NRXN3: variants seen among roughly 807,000 people sequenced by gnomAD.
The protein encoded by NRXN3 is neurexin 3.
In NRXN3, 32 loss-of-function variants were observed where a neutral mutation model predicts 137.6. That is an observed-to-expected ratio of 0.23 (90% CI 0.18 to 0.31). NRXN3 has a LOEUF of 0.31. Among genes scored for constraint, NRXN3 ranks in the 10% least tolerant of loss-of-function variants. The probability of loss-of-function intolerance (pLI) is 1.00; values close to 1 mark genes in which losing one functional copy is unlikely to be tolerated. For synonymous variants in NRXN3, 798 were observed against 784.5 expected (o/e 1.02, Z -0.29); for missense variants, 1,574 against 2,062.5 (o/e 0.76, Z 4.59).
chr14:78,624,646 C>G (rs1368094651), intron 4 of NRXN3, among the ~76,000 whole-genome samples: 2 of 152,148 alleles, frequency 1.3e-5, no homozygotes, highest in African/African-American at 4.8e-5. Flanking sequence ...AGAGAAGGAT[C>G]TGGAAGTCTA....
At chr14:79,024,085 T>A (rs2099594256) in intron 15 of NRXN3, among the ~76,000 whole-genome samples, 1 of 152,068 alleles carries the variant, frequency 6.6e-6, no homozygotes, top group Non-Finnish European at 1.5e-5. Context: ...AGTAGGTGAA[T>A]CACTAGAACG....
At chr14:79,649,290 T>C (rs1313790807) in intron 16 of NRXN3, among the ~76,000 whole-genome samples, 2 of 152,134 alleles carry the variant, frequency 1.3e-5, no homozygotes, top group Non-Finnish European at 2.9e-5. Context: ...CTGGCCAGGA[T>C]CCGGGGTAAG....
chr14:79,622,779 G>A (rs1021975265), intron 16 of NRXN3, among the ~76,000 whole-genome samples: 12 of 151,990 alleles, frequency 7.9e-5, no homozygotes, highest in African/African-American at 2.9e-4. Context: ...TGTATTTTTA[G>A]TAGAGATGGG....
intron 4 of NRXN3, among the ~76,000 whole-genome samples, chr14:78,432,090 G>A (rs1451932209): frequency 6.6e-6 from 1 of 152,182 alleles, no homozygotes; most frequent in African/African-American, 2.4e-5. Flanking sequence ...TCCAGGAGAA[G>A]AGGTGAGTCT....
rs1380791397 is a variant in NRXN3 at position 79,604,236 on chromosome 14, T to C, written c.3445-59542T>C. On this transcript the variant is annotated intron_variant, in intron 16 of 20. Coordinates refer to ENST00000335750, the MANE Select transcript of NRXN3 (RefSeq NM_001330195.2). The stretch of plus-strand genomic sequence containing the variant: ...TTGGGGTTTTTCTTTGTTTTTTGTT[T>C]CTTTGTTTGTTTGTTTGAGATGGAG... 1.3e-5 allele frequency among the ~76,000 whole-genome samples: 2 copies of C among 151,880 alleles called. 1 individual carries two copies. The highest frequency in any genetic ancestry group is 4.8e-5 in the African/African-American group (2 of 41,346).
chr14:79,826,649 T>G (rs534987854), intron 20 of NRXN3, among the ~76,000 whole-genome samples: 1 of 152,278 alleles, frequency 6.6e-6, no homozygotes, highest in African/African-American at 2.4e-5. Context: ...ACACAAAATC[T>G]CACCTAGAGT....
chr14:79,404,623 A>C (rs1158281677), intron 15 of NRXN3, among the ~76,000 whole-genome samples: 2 of 152,198 alleles, frequency 1.3e-5, no homozygotes, highest in Non-Finnish European at 2.9e-5. Flanking sequence ...ACTGCGATTA[A>C]ATATCGAAAG....
At chr14:78,452,475 G>C (rs2094574065) in intron 4 of NRXN3, among the ~76,000 whole-genome samples, 1 of 152,134 alleles carries the variant, frequency 6.6e-6, no homozygotes, top group Non-Finnish European at 1.5e-5. Context: ...GACAGATCCA[G>C]GTCAAGATTT....
chr14:78,227,084 A>T (rs2064772542), intron 1 of NRXN3, among the ~76,000 whole-genome samples: 1 of 152,240 alleles, frequency 6.6e-6, no homozygotes, highest in South Asian at 2.1e-4. Context: ...TCTGGGCTCA[A>T]CATTATGGTA....
At chr14:79,466,176 A>G (rs2096419432) in intron 15 of NRXN3, among the ~76,000 whole-genome samples, 1 of 152,160 alleles carries the variant, frequency 6.6e-6, no homozygotes, top group Non-Finnish European at 1.5e-5. Flanking sequence ...TTATCCTGTG[A>G]TGTTTTTTCT....
At chr14:78,922,074 A>G (rs1246852193) in intron 10 of NRXN3, among the ~76,000 whole-genome samples, 1 of 152,188 alleles carries the variant, frequency 6.6e-6, no homozygotes, top group Non-Finnish European at 1.5e-5. Context: ...TGATTTCGCT[A>G]TCAACTTACA....
At chr14:78,453,395 G>A (rs889367968) in intron 4 of NRXN3, among the ~76,000 whole-genome samples, 1 of 152,186 alleles carries the variant, frequency 6.6e-6, no homozygotes, top group African/African-American at 2.4e-5. Flanking sequence ...GATATATGCC[G>A]ATTGACCATT....
chr14:79,813,103 C>G (rs2099240303), intron 20 of NRXN3, among the ~76,000 whole-genome samples: 1 of 152,092 alleles, frequency 6.6e-6, no homozygotes, highest in African/African-American at 2.4e-5. Flanking sequence ...CAGAGATTAA[C>G]AGCCCCTACC....
chr14:78,440,681 G>A (rs147398783), intron 4 of NRXN3, among the ~76,000 whole-genome samples: 1 of 152,050 alleles, frequency 6.6e-6, no homozygotes, highest in Non-Finnish European at 1.5e-5. Flanking sequence ...TGGGGCCGAG[G>A]CTGCTTTTAT....
intron 4 of NRXN3, among the ~76,000 whole-genome samples, chr14:78,604,682 G>A (rs981673515): frequency 6.6e-6 from 1 of 152,116 alleles, no homozygotes; most frequent in Non-Finnish European, 1.5e-5. Flanking sequence ...TTTGAGTCTG[G>A]AGGAGTTAAG....
intron 4 of NRXN3, 127 bp downstream of exon 4, chr14:78,297,987 C>T: frequency 8.8e-7 from 1 of 1,137,764 alleles, no homozygotes; most frequent in Admixed American, 2.2e-5. Flanking sequence ...CTGGGCCAGG[C>T]TGGCTGCAGG....
At chr14:79,348,378 C>CTCTCTTTT (rs535595782) in intron 15 of NRXN3, among the ~76,000 whole-genome samples, 1 of 135,974 alleles carries the variant, frequency 7.4e-6, no homozygotes, top group African/African-American at 2.9e-5. Flanking sequence ...AATCTTCTCT[C>CTCTCTTTT]TTTTTTTTTT....
chr14:78,350,123 A>G lies in NRXN3; in HGVS notation c.757+52263A>G, dbSNP rs541532956. 1.2e-4 allele frequency among the ~76,000 whole-genome samples: 19 copies of G among 152,250 alleles called. 1 individual carries two copies. In the South Asian group the frequency reaches 4.0e-3, roughly 32 times the overall value. On this transcript the variant is annotated intron_variant, in intron 4 of 20. Coordinates refer to ENST00000335750, the MANE Select transcript of NRXN3 (RefSeq NM_001330195.2). Reference sequence around the variant, plus strand: ...GCCAACATGGTGAAACCCTGTCTCTACTAAAAATTCAGAAAATTAGCTGAG... The same window carrying G: ...GCCAACATGGTGAAACCCTGTCTCTGCTAAAAATTCAGAAAATTAGCTGAG...
intron 2 of NRXN3, among the ~76,000 whole-genome samples, chr14:78,264,364 T>G (rs1021838332): frequency 1.3e-5 from 2 of 152,182 alleles, no homozygotes; most frequent in Non-Finnish European, 2.9e-5. Context: ...TCTTGACTTC[T>G]CCATGCTTCC....
Sources: allele counts gnomAD v4.1 joint callset (sites outside exome capture counted in the v4.1 genomes callset), GRCh38; gene constraint gnomAD v4.1.1; transcripts MANE v1.5; gene names NCBI Gene and HGNC (gene_info 2026-07-23, HGNC 2026-07-21).